The following LGI4 variants were observed in gnomAD, a reference collection of about 807,000 sequenced individuals.
LGI4 encodes the protein leucine-rich repeat LGI family member 4.
A neutral mutation model predicts 48.3 loss-of-function variants in LGI4; 36 were observed. That is an observed-to-expected ratio of 0.75 (90% CI 0.57 to 0.98). The LOEUF (loss-of-function observed/expected upper bound fraction) is 0.98. Ranked by LOEUF, LGI4 falls within the 50% of genes least tolerant of loss-of-function variation. The pLI is 0.00. For synonymous variants in LGI4, 355 were observed against 331.6 expected, an observed-to-expected ratio of 1.07 and a Z score of -0.77; for missense variants, 701 against 732.1, an observed-to-expected ratio of 0.96 and a Z score of 0.49.
At chr19:35,128,731 C>CA (rs909649074) in intron 6 of LGI4, among the ~76,000 whole-genome samples, 1 of 152,070 alleles carries the variant, frequency 6.6e-6, no homozygotes, top group African/African-American at 2.4e-5. Context: ...AACAAACATA[C>CA]AAAAAACTTT....
chr19:35,130,967 G>T (rs780070387), intron 6 of LGI4: 10 of 484,552 alleles, frequency 2.1e-5, no homozygotes, highest in Non-Finnish European at 3.7e-5. Context: ...TGTGCTCTCT[G>T]CACTGCCCAG....
chr19:35,126,049 T>G (rs1632457), intron 8 of LGI4: 2 of 601,180 alleles, frequency 3.3e-6, no homozygotes, highest in Non-Finnish European at 5.9e-6. Context: ...GAGCCAGCAT[T>G]TGGGGGTAGA....
rs1254291013 is a variant in LGI4 at position 35,133,773 on chromosome 19, G to T, written c.243-9C>A. The T allele has an allele frequency of 6.2e-7, 1 of 1,601,174 alleles. No homozygotes were observed. The highest frequency in any genetic ancestry group is 1.7e-5 in the Admixed American group (1 of 58,108). On this transcript the variant is annotated splice_polypyrimidine_tract_variant and intron_variant, in intron 2 of 8. Transcript: ENST00000310123. ...AGTTGGAGGTGAAGAGGCTGGCAAG[G>T]GGGCAAGAAAGAAATTTTTCCAGAA...
chr19:35,129,524 C>T (rs1004177256), intron 6 of LGI4, among the ~76,000 whole-genome samples: 12 of 152,128 alleles, frequency 7.9e-5, no homozygotes, highest in African/African-American at 2.7e-4. Flanking sequence ...TATATTGACT[C>T]ATGGTTTAAT....
In LGI4 at chr19:35,127,032, G is replaced by T; in HGVS notation, c.629-15C>A. On this transcript the variant is annotated splice_polypyrimidine_tract_variant and intron_variant, in intron 6 of 8. Coordinates refer to ENST00000310123, the MANE Select transcript of LGI4 (RefSeq NM_139284.3). ...CCAGGACAGCTCTGTGGGTGGAGAA[G>T]AGAGTCAGGCAGGCCCCAGGACCCC... The T allele has an allele frequency of 1.9e-6, 3 of 1,569,508 alleles. No individual in the cohort carries two copies. The highest frequency in any genetic ancestry group is 1.7e-6 in the Non-Finnish European group (2 of 1,153,814).
chr19:35,131,587 C>T, intron 5 of LGI4, 32 bp from the exon 6 acceptor site: 1 of 1,541,984 alleles, frequency 6.5e-7, no homozygotes. Context: ...GGGCTGCGAC[C>T]CGGCTTCCAC....
intron 3 of LGI4, among the ~76,000 whole-genome samples, chr19:35,133,089 T>C (rs1400489739): frequency 6.6e-6 from 1 of 152,144 alleles, no homozygotes; most frequent in Non-Finnish European, 1.5e-5. Context: ...TCATCACCAC[T>C]GGGGCTACCA....
intron 8 of LGI4, chr19:35,125,843 C>A (rs1204806262): frequency 3.4e-6 from 2 of 588,148 alleles, no homozygotes; most frequent in Non-Finnish European, 3.2e-6. Context: ...CCTGCTCCCC[C>A]AGTCTGTTCC....
In LGI4 at chr19:35,125,467, T is replaced by C; in HGVS notation, c.1340A>G (p.Gln447Arg). 1 of 1,589,632 alleles carries C rather than the reference T, an allele frequency of 6.3e-7. No individual in the cohort carries two copies. The highest frequency in any genetic ancestry group is 8.6e-7 in the Non-Finnish European group (1 of 1,166,106). Residue 447 changes from glutamine (Q) to arginine (R), a missense_variant, in exon 9 of 9, where the codon CAA (glutamine) becomes CGA (arginine). By Grantham distance (43) the Gln-to-Arg change is conservative. This residue lies in a region of LGI4 where 223 missense variants were observed against 263.3 expected (regional missense o/e 0.85). Coordinates refer to ENST00000310123, the MANE Select transcript of LGI4 (RefSeq NM_139284.3). ...WDGSMFRLLQQLPSRGAHVFQ... is the reference protein window; with the variant it reads ...WDGSMFRLLQRLPSRGAHVFQ... ...GACGTGGGCACCGCGCGAGGGAAGT[T>C]GCTGCAGCAGACGAAACATGGAGCC...
chr19:35,131,794 A>C lies in LGI4; in HGVS notation c.453T>G (p.Thr151=). The change falls in exon 5 of 9, where the codon ACT becomes ACG. Residue 151 remains threonine, a synonymous_variant. Transcript: ENST00000310123. ...CCAGCCCCCATGAGCCTCACACATG[A>C]GTAAGGGTGTCCAGGCCTCGGAACA... The part of the protein sequence containing the change: ...RFLFRGLDTL[T]HVDLRGNPFQ... 1 of 1,553,792 alleles carries C rather than the reference A, an allele frequency of 6.4e-7. No homozygotes were observed.
At chr19:35,133,855 T>TGGGCAC (rs1356259587) in intron 2 of LGI4, 91 bp from the exon 3 acceptor site, 1 of 1,419,564 alleles carries the variant, frequency 7.0e-7, no homozygotes, top group African/African-American at 1.4e-5. Flanking sequence ...TAGGTGGGCA[T>TGGGCAC]GGGCACGCAG....
At chr19:35,132,557 C>T (rs1453513835) in intron 3 of LGI4, among the ~76,000 whole-genome samples, 2 of 152,168 alleles carry the variant, frequency 1.3e-5, no homozygotes, top group Non-Finnish European at 2.9e-5. Context: ...TCATCAACCC[C>T]AAGACCAATA....
intron 6 of LGI4, among the ~76,000 whole-genome samples, chr19:35,128,572 T>C (rs1400298696): frequency 2.0e-5 from 3 of 152,036 alleles, no homozygotes; most frequent in Admixed American, 1.3e-4. Context: ...TTAGCAGGCA[T>C]GGTGGTGGTG....
At position 35,131,864 on chromosome 19, in the gene LGI4, G is replaced by A. The variant is rs1303596402; in HGVS notation, c.387-4C>T. ...CAGATGGTTATTGGCCAGGCTTCTG[G>A]TGGAGGAAGAGAAGGCACCGTCAGC... On this transcript the variant is annotated splice_polypyrimidine_tract_variant and splice_region_variant and intron_variant, in intron 4 of 8. Transcript: ENST00000310123. 1.6e-5 allele frequency: 25 copies of A among 1,571,264 alleles called. No individual in the cohort carries two copies. The highest frequency in any genetic ancestry group is 1.6e-5 in the Non-Finnish European group (19 of 1,158,058).
rs765768434 is a variant in LGI4 at position 35,134,603 on chromosome 19, C to A, written c.78G>T (p.Lys26Asn). The change falls in exon 1 of 9, where the codon AAG becomes AAT. Residue 26 changes from lysine to asparagine, a missense_variant. By Grantham distance (94) the Lys-to-Asn change is moderately conservative. Coordinates refer to ENST00000310123, the MANE Select transcript of LGI4 (RefSeq NM_139284.3). ...TAGAGCAGGAGCAGCGCAGGGGACA[C>A]TTTCCCTTTGGGGGTCTCCAGGCCA... ...VVVAWRPPKG[K>N]CPLRCSCSKD... 2 of 1,588,078 alleles carry A rather than the reference C, an allele frequency of 1.3e-6. No individual in the cohort carries two copies. The highest frequency in any genetic ancestry group is 1.3e-5 in the African/African-American group (1 of 74,698).
At chr19:35,127,859 A>C (rs911696225) in intron 6 of LGI4, among the ~76,000 whole-genome samples, 5 of 152,194 alleles carry the variant, frequency 3.3e-5, no homozygotes, top group Admixed American at 2.0e-4. Flanking sequence ...TATCCAACAA[A>C]ATCCATCCTT....
chr19:35,133,834 C>A, intron 2 of LGI4, 70 bp from the exon 3 acceptor site: 2 of 1,508,076 alleles, frequency 1.3e-6, no homozygotes, highest in South Asian at 1.2e-5. Flanking sequence ...CCCTGGCCTC[C>A]ACCCTCAGCC....
chr19:35,134,527 G>A lies in LGI4; in HGVS notation c.154C>T (p.Pro52Ser), dbSNP rs1338413098. Reference sequence around the variant, plus strand: ...GACACTCACAGTGACAGCAGGGTCGGAGAGAAGCTGACGGGCAGGTCCGGG... The same window carrying A: ...GACACTCACAGTGACAGCAGGGTCGAAGAGAAGCTGACGGGCAGGTCCGGG... Reference protein sequence around the residue: ...GSPDLPVSFSPTLLSLSLVRT... With the variant: ...GSPDLPVSFSSTLLSLSLVRT... Residue 52 changes from proline (P) to serine (S), a missense_variant, in exon 1 of 9, where the codon CCG becomes TCG. Transcript: ENST00000310123. 8.2e-6 allele frequency: 13 copies of A among 1,583,604 alleles called. No homozygotes were observed. The highest frequency in any genetic ancestry group is 2.3e-5 in the East Asian group (1 of 43,920).
At position 35,134,565 on chromosome 19, in the gene LGI4, A is replaced by C; in HGVS notation, c.116T>G (p.Leu39Arg). 1 of 1,585,316 alleles carries C rather than the reference A, an allele frequency of 6.3e-7. No homozygotes were observed. Among genetic ancestry groups the C allele is most frequent in the South Asian group, 1.2e-5 (1 of 86,558 alleles). ...GGGCAGGTCCGGGGAGCCCTCACAC[A>C]GGGCGCTGTCTTTAGAGCAGGAGCA... Reference protein sequence around the residue: ...LRCSCSKDSALCEGSPDLPVS... With the variant: ...LRCSCSKDSARCEGSPDLPVS... The change falls in exon 1 of 9, where the codon CTG (leucine) becomes CGG (arginine). Residue 39 changes from leucine to arginine, a missense_variant. Leu to Arg is a moderately radical substitution (Grantham distance 102). This residue lies in a region of LGI4 where 462 missense variants were observed against 436.4 expected (regional missense o/e 1.06). Coordinates refer to ENST00000310123, the MANE Select transcript of LGI4 (RefSeq NM_139284.3).
Sources: allele counts gnomAD v4.1 joint callset (sites outside exome capture counted in the v4.1 genomes callset), GRCh38; gene constraint gnomAD v4.1.1; regional missense constraint gnomAD v4.1.1; transcripts MANE v1.5; gene names NCBI Gene and HGNC (gene_info 2026-07-23, HGNC 2026-07-21).